GARIN1A: variants seen among roughly 807,000 people sequenced by gnomAD.
GARIN1A encodes the protein golgi associated RAB2 interactor 1A.
At chr7:128,683,314 G>A in the GARIN1A span, 1 of 582,214 alleles carries the variant, frequency 1.7e-6, no homozygotes, top group South Asian at 2.7e-5. Flanking sequence ...TTCCAAGTGA[G>A]TCCCTAATTT....
At chr7:128,680,047 T>A in the GARIN1A span, 1 of 1,568,908 alleles carries the variant, frequency 6.4e-7, no homozygotes, top group Non-Finnish European at 8.6e-7. Flanking sequence ...AACAGCCTCC[T>A]GTCATCCCCC....
chr7:128,679,467 A>G, the GARIN1A span, among the ~76,000 whole-genome samples: 1 of 152,168 alleles, frequency 6.6e-6, no homozygotes, highest in Non-Finnish European at 1.5e-5. Flanking sequence ...CTGGGATTAC[A>G]GGTGTGAGCC....
chr7:128,707,607 A>G, the GARIN1A span, among the ~76,000 whole-genome samples: 2 of 151,728 alleles, frequency 1.3e-5, no homozygotes, highest in Non-Finnish European at 2.9e-5. Flanking sequence ...AGGCCCTGCT[A>G]ATTTTTATTA....
the GARIN1A span, among the ~76,000 whole-genome samples, chr7:128,699,263 C>G: frequency 5.8e-5 from 2 of 34,458 alleles, no homozygotes; most frequent in East Asian, 3.8e-4. Context: ...ACCTGCTGCC[C>G]CCCCCCCCCC....
At chr7:128,699,549 CT>C in the GARIN1A span, among the ~76,000 whole-genome samples, 1 of 152,188 alleles carries the variant, frequency 6.6e-6, no homozygotes, top group Non-Finnish European at 1.5e-5. Flanking sequence ...TGATTTATAG[CT>C]TAAGTGCATT....
chr7:128,708,959 G>A, the GARIN1A span: 1 of 152,166 alleles, frequency 6.6e-6, no homozygotes, highest in African/African-American at 2.4e-5. Flanking sequence ...TTGTATCTGG[G>A]TGTGGCCCTG....
chr7:128,678,010 TGTTTC>T, the GARIN1A span: 4 of 261,470 alleles, frequency 1.5e-5, no homozygotes, highest in East Asian at 8.4e-5. Context: ...CATTTAGAAA[TGTTTC>T]TTTTTTTTTT....
chr7:128,672,930 G>C, the GARIN1A span, among the ~76,000 whole-genome samples: 2 of 152,154 alleles, frequency 1.3e-5, no homozygotes, highest in Non-Finnish European at 2.9e-5. Flanking sequence ...AGTCTGGGAT[G>C]GTTTAGAAAC....
At chr7:128,702,600 A>AC in the GARIN1A span, among the ~76,000 whole-genome samples, 26 of 152,088 alleles carry the variant, frequency 1.7e-4, no homozygotes, top group African/African-American at 5.8e-4. Flanking sequence ...ATGATCAATA[A>AC]CCCCCCCAAA....
chr7:128,699,416 A>C, the GARIN1A span, among the ~76,000 whole-genome samples: 1 of 152,046 alleles, frequency 6.6e-6, no homozygotes, highest in Non-Finnish European at 1.5e-5. Context: ...AAATGAAGTG[A>C]CTCAAGCCTC....
chr7:128,696,277 C>T, the GARIN1A span, among the ~76,000 whole-genome samples: 1 of 152,074 alleles, frequency 6.6e-6, no homozygotes. Context: ...CCTCAGCCTC[C>T]CAAGTTGCTG....
the GARIN1A span, among the ~76,000 whole-genome samples, chr7:128,679,042 A>G: frequency 1.3e-5 from 2 of 151,122 alleles, no homozygotes; most frequent in East Asian, 1.9e-4. Flanking sequence ...GTATGTAACA[A>G]TCGTTACATT....
the GARIN1A span, chr7:128,690,429 A>C: frequency 2.6e-5 from 4 of 152,936 alleles, no homozygotes; most frequent in African/African-American, 9.7e-5. Context: ...TAATAATAAT[A>C]ATAACGGTCA....
chr7:128,708,739 T>C, the GARIN1A span, among the ~76,000 whole-genome samples: 1 of 152,222 alleles, frequency 6.6e-6, no homozygotes, highest in Non-Finnish European at 1.5e-5. Flanking sequence ...TTAACCTCTT[T>C]CTTTGTTAGG....
At chr7:128,696,077 A>G in the GARIN1A span, among the ~76,000 whole-genome samples, 7 of 136,710 alleles carry the variant, frequency 5.1e-5, no homozygotes, top group East Asian at 4.4e-4. Context: ...CAGTGGCACA[A>G]TCATGGCTCA....
At chr7:128,675,808 C>A in the GARIN1A span, 9 of 1,613,214 alleles carry the variant, frequency 5.6e-6, no homozygotes, top group Non-Finnish European at 6.8e-6. Flanking sequence ...CCCCAGGGTC[C>A]ATTTACCACC....
At chr7:128,693,466 A>C in the GARIN1A span, 1 of 187,438 alleles carries the variant, frequency 5.3e-6, no homozygotes, top group Admixed American at 5.1e-5. Context: ...CTGAAGCTTA[A>C]GTTCCATGAG....
the GARIN1A span, chr7:128,685,086 A>G: frequency 6.6e-6 from 1 of 152,136 alleles, no homozygotes; most frequent in African/African-American, 2.4e-5. Context: ...TTTTTAGCAG[A>G]CACAGGGTTT....
the GARIN1A span, chr7:128,675,787 A>ATGTTACC: frequency 6.2e-7 from 1 of 1,613,750 alleles, no homozygotes; most frequent in Non-Finnish European, 8.5e-7. Flanking sequence ...CTGATGGCCA[A>ATGTTACC]TGTTACCTGG....
Sources: gnomAD v4.1 joint callset for allele counts (sites outside exome capture counted in the v4.1 genomes callset) on GRCh38, gnomAD v4.1.1 for gene constraint, MANE v1.5 for transcripts, NCBI Gene and HGNC (gene_info 2026-07-23, HGNC 2026-07-21) for gene names.